Variants in HSD17B3 observed in about 807,000 individuals in gnomAD.
HSD17B3 encodes hydroxysteroid 17-beta dehydrogenase 3, also known as 17-beta-hydroxysteroid dehydrogenase type 3.
HSD17B3 carries 29 observed loss-of-function variants against 41.1 expected under a neutral mutation model. The observed-to-expected ratio is 0.71, with a 90% CI of 0.53 to 0.96. The LOEUF (loss-of-function observed/expected upper bound fraction) is 0.96, where lower values mean the gene tolerates loss of function less well. Among genes scored for constraint, HSD17B3 ranks in the 40% least tolerant of loss-of-function variants. HSD17B3 has a pLI of 0.00. For synonymous variants in HSD17B3, 126 were observed against 145.6 expected (o/e 0.87, Z 0.97); for missense variants, 323 against 374.6 (o/e 0.86, Z 1.14).
intron 2 of HSD17B3, among the ~76,000 whole-genome samples, chr9:96,294,521 G>C (rs1290262214): frequency 6.6e-6 from 1 of 152,218 alleles, no homozygotes; most frequent in Admixed American, 6.5e-5. Context: ...AGAAAGAAGA[G>C]TGTCTGAGTC....
At position 96,255,589 on chromosome 9, in the gene HSD17B3, C is replaced by T. The variant is rs143644418; in HGVS notation, c.202-646G>A. Reference sequence around the variant, plus strand: ...ATTTTTAGTGGAGACAGGGTTTCCCCGTGTTGGCCAGGCTGGTCTCCAACT... The same window carrying T: ...ATTTTTAGTGGAGACAGGGTTTCCCTGTGTTGGCCAGGCTGGTCTCCAACT... On this transcript the variant is annotated intron_variant, in intron 2 of 10. Transcript: ENST00000375263. 1.0e-3 allele frequency among the ~76,000 whole-genome samples: 152 copies of T among 151,828 alleles called. 4 individuals carry two copies. In the East Asian group the frequency reaches 0.025, roughly 25 times the overall value.
At chr9:96,287,266 G>A (rs1181968876) in intron 2 of HSD17B3, among the ~76,000 whole-genome samples, 1 of 152,174 alleles carries the variant, frequency 6.6e-6, no homozygotes, top group Non-Finnish European at 1.5e-5. Flanking sequence ...CAGTGGTGCA[G>A]GTCAGCCTCC....
chr9:96,265,410 T>C (rs1040102135), intron 2 of HSD17B3, among the ~76,000 whole-genome samples: 4 of 152,218 alleles, frequency 2.6e-5, no homozygotes, highest in Non-Finnish European at 5.9e-5. Context: ...TCTTTGAGAG[T>C]TGTGCTCTTA....
intron 10 of HSD17B3, among the ~76,000 whole-genome samples, chr9:96,240,307 T>C (rs1836386562): frequency 2.0e-5 from 3 of 152,252 alleles, no homozygotes; most frequent in East Asian, 3.8e-4. Context: ...CACAGCGTCA[T>C]GTCCGTGGCT....
chr9:96,252,486 T>G (rs540580767), intron 4 of HSD17B3, among the ~76,000 whole-genome samples: 1 of 147,012 alleles, frequency 6.8e-6, no homozygotes, highest in East Asian at 2.0e-4. Context: ...GAGGTTGCAG[T>G]GAGCCGGGAT....
chr9:96,272,373 A>ATCTCTCTCTC lies in HSD17B3; in HGVS notation c.202-17440_202-17431dup, dbSNP rs373017603. Among the ~76,000 whole-genome samples, 40 of 4,406 alleles carry ATCTCTCTCTC rather than the reference A, an allele frequency of 9.1e-3. 8 individuals are homozygous for ATCTCTCTCTC. Among genetic ancestry groups the ATCTCTCTCTC allele is most frequent in the Non-Finnish European group, 0.013 (27 of 2,008 alleles). 2.9% of individuals were successfully genotyped at this position (4,406 alleles called of 152,430 possible). A position where few individuals can be genotyped will look rare whatever the true frequency, so the allele number is the denominator to read the frequency against. On this transcript the variant is annotated intron_variant, in intron 2 of 10. Transcript: ENST00000375263. ...GCCTGGGCAACAAGAGTAAGACTGC[A>ATCTCTCTCTC]TCTCTCTCTCTCTCTCTCTCTCTCT...
Position 96,251,457 on chromosome 9 carries a change from A to G in HSD17B3, c.414T>C (p.Leu138=). The G allele has an allele frequency of 6.2e-7, 1 of 1,614,132 alleles. No homozygotes were observed. The highest frequency in any genetic ancestry group is 8.5e-7 in the Non-Finnish European group (1 of 1,179,998). Residue 138 remains leucine (L), a synonymous_variant, in exon 5 of 11, where the codon CTT becomes CTC. Coordinates refer to ENST00000375263, the MANE Select transcript of HSD17B3 (RefSeq NM_000197.2). ...LVNNVGMLPN[L]LPSHFLNAPD... ...GTGCGTTCAGGAAATGGCTTGGGAG[A>G]AGGTTTGGAAGCATTCCGACATTGT...
rs529217359 is a variant in HSD17B3 at position 96,290,731 on chromosome 9, G to T, written c.201+7685C>A. Among the ~76,000 whole-genome samples, 57 of 151,996 alleles carry T rather than the reference G, an allele frequency of 3.8e-4. No homozygotes were observed. In the South Asian group the frequency reaches 9.8e-3, roughly 26 times the overall value. ...TGCCTGTAATCCCAGCTACTCGGGA[G>T]GCTGAGGCAGGAGAATCACTTGAAA... On this transcript the variant is annotated intron_variant, in intron 2 of 10. Transcript: ENST00000375263.
intron 2 of HSD17B3, among the ~76,000 whole-genome samples, chr9:96,271,852 T>A (rs951408826): frequency 1.3e-5 from 2 of 152,188 alleles, no homozygotes; most frequent in Non-Finnish European, 2.9e-5. Flanking sequence ...TTCCTTACCT[T>A]TCTGAAAGGA....
intron 2 of HSD17B3, among the ~76,000 whole-genome samples, chr9:96,255,802 C>T (rs2479824): frequency 0.8 from 121,296 of 152,122 alleles, 49,052 homozygotes; most frequent in African/African-American, 0.95. Context: ...GAAAACGGGA[C>T]GGGGAGCACA....
intron 1 of HSD17B3, among the ~76,000 whole-genome samples, chr9:96,300,868 G>A (rs1439727133): frequency 6.6e-6 from 1 of 152,036 alleles, no homozygotes; most frequent in Non-Finnish European, 1.5e-5. Context: ...GTTATGCGTT[G>A]CCTTGATTTT....
chr9:96,289,709 G>A (rs34051033), intron 2 of HSD17B3, among the ~76,000 whole-genome samples: 30,684 of 152,128 alleles, frequency 0.2, 3,382 homozygotes, highest in Admixed American at 0.32. Context: ...CAAGAGGGGG[G>A]CGCCCGAGAA....
At chr9:96,269,397 G>A (rs1444740757) in intron 2 of HSD17B3, among the ~76,000 whole-genome samples, 1 of 152,124 alleles carries the variant, frequency 6.6e-6, no homozygotes, top group Non-Finnish European at 1.5e-5. Context: ...GACATATCCT[G>A]CAGGAGGCAG....
intron 2 of HSD17B3, among the ~76,000 whole-genome samples, chr9:96,255,411 A>G (rs111367695): frequency 0.014 from 869 of 61,296 alleles, 15 homozygotes; most frequent in African/African-American, 0.043. Context: ...TTTTTTTGCA[A>G]TAGAGTCTTG....
chr9:96,275,129 A>G (rs1425050012), intron 2 of HSD17B3, among the ~76,000 whole-genome samples: 1 of 152,116 alleles, frequency 6.6e-6, no homozygotes. Flanking sequence ...TACTATACCC[A>G]GCACAATTAT....
At chr9:96,292,423 A>G (rs573772945) in intron 2 of HSD17B3, among the ~76,000 whole-genome samples, 4 of 152,234 alleles carry the variant, frequency 2.6e-5, no homozygotes, top group Non-Finnish European at 5.9e-5. Flanking sequence ...CTGGAGTGCA[A>G]TGGCACAATC....
chr9:96,288,245 T>C (rs1381720330), intron 2 of HSD17B3, among the ~76,000 whole-genome samples: 3 of 152,240 alleles, frequency 2.0e-5, no homozygotes, highest in Admixed American at 1.3e-4. Context: ...TACTGAAGTG[T>C]ACACTTGGGT....
chr9:96,271,286 C>T (rs999918058), intron 2 of HSD17B3, among the ~76,000 whole-genome samples: 2 of 152,110 alleles, frequency 1.3e-5, no homozygotes, highest in African/African-American at 4.8e-5. Flanking sequence ...ATAAACAAAG[C>T]AAAGTTTAGA....
intron 2 of HSD17B3, among the ~76,000 whole-genome samples, chr9:96,272,743 T>C (rs909214481): frequency 6.6e-6 from 1 of 151,954 alleles, no homozygotes; most frequent in African/African-American, 2.4e-5. Flanking sequence ...GACTTATGTT[T>C]ACATAAAAAG....
Sources: allele counts gnomAD v4.1 joint callset (sites outside exome capture counted in the v4.1 genomes callset), GRCh38; gene constraint gnomAD v4.1.1; transcripts MANE v1.5; gene names NCBI Gene and HGNC (gene_info 2026-07-23, HGNC 2026-07-21).